The following NXNL1 variants were observed in gnomAD, a reference collection of about 807,000 sequenced individuals.
NXNL1 encodes the protein nucleoredoxin-like protein 1.
In NXNL1, 6 loss-of-function variants were observed where a neutral mutation model predicts 7.2. The ratio of observed to expected loss-of-function variants is 0.83; its 90% confidence interval spans 0.46 to 1.64. The LOEUF is 1.64. Among genes scored for constraint, NXNL1 ranks in the 40% most tolerant of loss-of-function variants. The probability of loss-of-function intolerance (pLI) is 0.01; values close to 1 mark genes in which losing one functional copy is unlikely to be tolerated. For synonymous variants in NXNL1, 133 were observed against 127.2 expected, an observed-to-expected ratio of 1.05 and a Z score of -0.31; for missense variants, 308 against 285.1, an observed-to-expected ratio of 1.08 and a Z score of -0.58.
At chr19:17,456,305 T>TATAAATAA (rs1245976212) in intron 1 of NXNL1, among the ~76,000 whole-genome samples, 6 of 50,716 alleles carry the variant, frequency 1.2e-4, no homozygotes, top group Admixed American at 1.7e-4. Flanking sequence ...ACCCTGTCTC[T>TATAAATAA]ACAAATAAAT....
At chr19:17,460,262 C>T (rs181313815) in intron 1 of NXNL1, among the ~76,000 whole-genome samples, 3 of 152,264 alleles carry the variant, frequency 2.0e-5, no homozygotes, top group Non-Finnish European at 2.9e-5. Context: ...CTGCCCACCT[C>T]GGCCTGCCAA....
At chr19:17,457,325 A>G (rs914552714) in intron 1 of NXNL1, among the ~76,000 whole-genome samples, 5 of 152,104 alleles carry the variant, frequency 3.3e-5, no homozygotes, top group Non-Finnish European at 1.5e-5. Context: ...TGCATGGGAC[A>G]TACTTATACT....
chr19:17,458,366 G>A (rs1235850123), intron 1 of NXNL1, among the ~76,000 whole-genome samples: 6 of 150,042 alleles, frequency 4.0e-5, no homozygotes, highest in African/African-American at 1.2e-4. Flanking sequence ...GACTACAGGC[G>A]CCCGCCACCA....
chr19:17,456,015 G>A (rs1302566495), intron 1 of NXNL1, 56 bp from the exon 2 acceptor site: 1 of 1,592,526 alleles, frequency 6.3e-7, no homozygotes, highest in African/African-American at 1.3e-5. Flanking sequence ...CTGAACCAGA[G>A]AGCCCCACAT....
At chr19:17,458,369 C>T (rs184764623) in intron 1 of NXNL1, among the ~76,000 whole-genome samples, 11 of 150,900 alleles carry the variant, frequency 7.3e-5, no homozygotes, top group African/African-American at 2.4e-4. Flanking sequence ...TACAGGCGCC[C>T]GCCACCACGC....
chr19:17,458,220 C>CTTTTTTTTTTTTTTTTTTTTTTTT (rs756873224), intron 1 of NXNL1, among the ~76,000 whole-genome samples: 2 of 122,182 alleles, frequency 1.6e-5, no homozygotes, highest in African/African-American at 3.1e-5. Context: ...TTCTTTCTTT[C>CTTTTTTTTTTTTTTTTTTTTTTTT]TTTTTTTTTT....
In NXNL1 at chr19:17,460,871, G is replaced by T; in HGVS notation, c.-2C>A. 1 of 1,612,654 alleles carries T rather than the reference G, an allele frequency of 6.2e-7. No individual in the cohort carries two copies. The stretch of plus-strand genomic sequence containing the variant: ...GCGGCCAGAGAACAGGGAGGCCATG[G>T]TAACCTGGGTTGGGTGCTGGGGACA... On this transcript the variant is annotated 5_prime_UTR_variant, in exon 1 of 2. Transcript: ENST00000301944.
At position 17,455,872 on chromosome 19, in the gene NXNL1, G is replaced by A; in HGVS notation, c.414C>T (p.Ala138=). The part of the protein sequence containing the change: ...PDGDVLTRDG[A]DEIQRLGTAC... ...CGGTGCCCAGGCGCTGGATCTCGTC[G>A]GCGCCGTCGCGAGTGAGCACGTCCC... is the stretch of plus-strand genomic sequence containing the variant. Residue 138 remains alanine (A), a synonymous_variant, in exon 2 of 2, where the codon GCC becomes GCT. Transcript: ENST00000301944. 6.3e-7 allele frequency: 1 copy of A among 1,589,984 alleles called. No homozygotes were observed. The highest frequency in any genetic ancestry group is 2.3e-5 in the East Asian group (1 of 44,442).
intron 1 of NXNL1, 107 bp downstream of exon 1, chr19:17,460,437 A>G (rs2075008215): frequency 8.3e-7 from 1 of 1,206,260 alleles, no homozygotes; most frequent in Non-Finnish European, 1.2e-6. Context: ...AGTTCCCAGT[A>G]TATGGACTGG....
intron 1 of NXNL1, among the ~76,000 whole-genome samples, chr19:17,457,360 C>T (rs1031193480): frequency 6.6e-6 from 1 of 152,032 alleles, no homozygotes; most frequent in Non-Finnish European, 1.5e-5. Context: ...CATTGTTTAT[C>T]TCAATTTTTT....
chr19:17,460,691 C>CGCACGAAGAAGTCCTTGAGGATGG lies in NXNL1; in HGVS notation c.155_178dup (p.Pro52_Val59dup). On this transcript the variant is annotated inframe_insertion, in exon 1 of 2. Transcript: ENST00000301944. The stretch of plus-strand genomic sequence containing the variant: ...CAGTACATAGAACTCATCTGTGAGC[C>CGCACGAAGAAGTCCTTGAGGATGG]GCACGAAGAAGTCCTTGAGGATGGG... 6.2e-7 allele frequency: 1 copy of CGCACGAAGAAGTCCTTGAGGATGG among 1,613,800 alleles called. No homozygotes were observed. Among genetic ancestry groups the CGCACGAAGAAGTCCTTGAGGATGG allele is most frequent in the South Asian group, 1.1e-5 (1 of 91,088 alleles).
intron 1 of NXNL1, among the ~76,000 whole-genome samples, chr19:17,459,410 A>C (rs761483876): frequency 1.1e-4 from 9 of 84,560 alleles, no homozygotes; most frequent in Non-Finnish European, 1.8e-4. Flanking sequence ...TATTTATTAC[A>C]TTTTTTATTT....
At position 17,460,815 on chromosome 19, in the gene NXNL1, C is replaced by G; in HGVS notation, c.55G>C (p.Glu19Gln). 1.2e-6 allele frequency: 2 copies of G among 1,613,832 alleles called. No homozygotes were observed. Among genetic ancestry groups the G allele is most frequent in the Non-Finnish European group, 1.7e-6 (2 of 1,180,030 alleles). The change falls in exon 1 of 2, where the codon GAG (glutamate) becomes CAG (glutamine). Residue 19 changes from glutamate (E) to glutamine (Q), a missense_variant. Physicochemically the swap from Glu to Gln is conservative, Grantham distance 29. Coordinates refer to ENST00000301944, the MANE Select transcript of NXNL1 (RefSeq NM_138454.2). ...ILIRNNSDQDELDTEAEVSRR... is the reference protein window; with the variant it reads ...ILIRNNSDQDQLDTEAEVSRR... ...CTGACCTCAGCCTCCGTATCCAGCT[C>G]GTCCTGGTCGCTATTGTTGCGGATC... is the stretch of plus-strand genomic sequence containing the variant.
In NXNL1 at chr19:17,455,904, G is replaced by T; in HGVS notation, c.382C>A (p.Pro128Thr). 1.3e-6 allele frequency: 2 copies of T among 1,595,030 alleles called. No homozygotes were observed. The highest frequency in any genetic ancestry group is 1.7e-6 in the Non-Finnish European group (2 of 1,178,028). The change falls in exon 2 of 2, where the codon CCG becomes ACG. Residue 128 changes from proline (P) to threonine (T), a missense_variant. Physicochemically the swap from Pro to Thr is conservative, Grantham distance 38. Coordinates refer to ENST00000301944, the MANE Select transcript of NXNL1 (RefSeq NM_138454.2). ...TCGCGAGTGAGCACGTCCCCGTCCG[G>T]CTTGAGCACCACGACCGCCGGCAGG... ...ERLPAVVVLK[P>T]DGDVLTRDGA... is the part of the protein sequence containing the mutation.
chr19:17,459,756 G>T (rs1422789634), intron 1 of NXNL1, among the ~76,000 whole-genome samples: 1 of 152,064 alleles, frequency 6.6e-6, no homozygotes, highest in Non-Finnish European at 1.5e-5. Flanking sequence ...GTATTGCCCT[G>T]GCTGGAGTGC....
Position 17,455,691 on chromosome 19 carries a change from C to CCCGGGG in NXNL1, c.594_595insCCCCGG (p.Pro198_Gly199insProArg). ...CCGCCCTCCTCCCCACCCCCTCCCCCGGGGTCGCGCCCGCCTCGCGCCGCC... is the reference window on the plus strand; with the variant it reads ...CCGCCCTCCTCCCCACCCCCTCCCCCCCGGGGGGGGTCGCGCCCGCCTCGCGCCGCC... On this transcript the variant is annotated inframe_insertion, in exon 2 of 2. Transcript: ENST00000301944. The CCCGGGG allele has an allele frequency of 2.0e-6, 3 of 1,513,754 alleles. No individual in the cohort carries two copies. Among genetic ancestry groups the CCCGGGG allele is most frequent in the South Asian group, 2.4e-5 (2 of 83,424 alleles). The allele number at this position is 1,513,754 out of a possible 1,614,324, so 93.8% of individuals were successfully genotyped here. A position where few individuals can be genotyped will look rare whatever the true frequency, so the allele number is the denominator to read the frequency against.
Position 17,455,931 on chromosome 19 carries a change from G to A in NXNL1, c.355C>T (p.Arg119Cys). 6.3e-7 allele frequency: 1 copy of A among 1,596,686 alleles called. No homozygotes were observed. Among genetic ancestry groups the A allele is most frequent in the Non-Finnish European group, 8.5e-7 (1 of 1,178,918 alleles). ...TTGAGCACCACGACCGCCGGCAGGCGCTCCACTGAGAACTGGCGCCCGAGG... is the reference window on the plus strand; with the variant it reads ...TTGAGCACCACGACCGCCGGCAGGCACTCCACTGAGAACTGGCGCCCGAGG... ...RDLGRQFSVE[R>C]LPAVVVLKPD... Residue 119 changes from arginine (R) to cysteine (C), a missense_variant, in exon 2 of 2, where the codon CGC becomes TGC. Coordinates refer to ENST00000301944, the MANE Select transcript of NXNL1 (RefSeq NM_138454.2).
At chr19:17,460,488 T>C in intron 1 of NXNL1, 56 bp downstream of exon 1, 1 of 1,566,232 alleles carries the variant, frequency 6.4e-7, no homozygotes, top group Non-Finnish European at 8.6e-7. Context: ...GAATGGATGC[T>C]TCACTTTCAG....
rs145106863 is a variant in NXNL1, at chr19:17,460,588, C to A, written c.282G>T (p.Met94Ile). The change falls in exon 1 of 2, where the codon ATG (methionine) becomes ATT (isoleucine). Residue 94 changes from methionine to isoleucine, a missense_variant. By Grantham distance (10) the Met-to-Ile change is conservative. Transcript: ENST00000301944. ...AGGGCAGGAAAAGCCATTTCTTTGG[C>A]ATGTCCTTGAGGAACAGGTCCTGCT... is the stretch of plus-strand genomic sequence containing the variant. ...EEQQDLFLKD[M>I]PKKWLFLPFE... 1,131 of 1,605,728 alleles carry A rather than the reference C, an allele frequency of 7.0e-4. 2 individuals are homozygous for A. Among genetic ancestry groups the A allele is most frequent in the Non-Finnish European group, 8.2e-4 (965 of 1,180,000 alleles).
Sources: gnomAD v4.1 joint callset for allele counts (sites outside exome capture counted in the v4.1 genomes callset) on GRCh38, gnomAD v4.1.1 for gene constraint, MANE v1.5 for transcripts, NCBI Gene and HGNC (gene_info 2026-07-23, HGNC 2026-07-21) for gene names.